Variants in TSPAN13 observed in about 807,000 individuals in gnomAD.
The protein encoded by TSPAN13 is tetraspanin 13.
In TSPAN13, 18 loss-of-function variants were observed where a neutral mutation model predicts 26.9. That is an observed-to-expected ratio of 0.67 (90% CI 0.46 to 0.99). The LOEUF (loss-of-function observed/expected upper bound fraction) is 0.99, where lower values mean the gene tolerates loss of function less well. Among genes scored for constraint, TSPAN13 ranks in the 50% least tolerant of loss-of-function variants. TSPAN13 has a pLI of 0.00. For synonymous variants in TSPAN13, 116 were observed against 98.4 expected (o/e 1.18, Z -1.06); for missense variants, 201 against 249.6 (o/e 0.81, Z 1.31).
Position 16,767,256 on chromosome 7 carries a change from T to A in TSPAN13, c.64-8955T>A, listed in dbSNP as rs561499887. 3.1e-3 allele frequency among the ~76,000 whole-genome samples: 479 copies of A among 152,350 alleles called. 7 individuals carry two copies. The highest frequency in any genetic ancestry group is 0.011 in the African/African-American group (448 of 41,576). The stretch of plus-strand genomic sequence containing the variant: ...GAATGTGTATGACAATGTCATATAT[T>A]ATATACATTAATTATCTACAAATAA... On this transcript the variant is annotated intron_variant, in intron 1 of 5. Coordinates refer to ENST00000262067, the MANE Select transcript of TSPAN13 (RefSeq NM_014399.4).
intron 1 of TSPAN13, among the ~76,000 whole-genome samples, chr7:16,761,401 C>T (rs1417067126): frequency 6.6e-6 from 1 of 152,206 alleles, no homozygotes; most frequent in African/African-American, 2.4e-5. Flanking sequence ...TGTGCTTGAT[C>T]TTTTCTGAAT....
chr7:16,769,718 T>G (rs952585327), intron 1 of TSPAN13, among the ~76,000 whole-genome samples: 8 of 152,202 alleles, frequency 5.3e-5, no homozygotes, highest in African/African-American at 1.9e-4. Flanking sequence ...AATTTTTGAA[T>G]AATGAAAGCT....
chr7:16,765,413 AT>A (rs1450164380), intron 1 of TSPAN13, among the ~76,000 whole-genome samples: 1 of 152,094 alleles, frequency 6.6e-6, no homozygotes, highest in Non-Finnish European at 1.5e-5. Context: ...CTGGCTGAGA[AT>A]TTCTATGTTC....
At chr7:16,771,901 T>C (rs557594056) in intron 1 of TSPAN13, among the ~76,000 whole-genome samples, 1 of 152,298 alleles carries the variant, frequency 6.6e-6, no homozygotes, top group African/African-American at 2.4e-5. Context: ...GAGGGTTATG[T>C]AGAAGGAAGC....
At chr7:16,757,142 A>G (rs1337897487) in intron 1 of TSPAN13, among the ~76,000 whole-genome samples, 1 of 152,204 alleles carries the variant, frequency 6.6e-6, no homozygotes, top group Non-Finnish European at 1.5e-5. Context: ...TTTAGGTACC[A>G]TAAAATTTAG....
At chr7:16,779,217 G>T in intron 5 of TSPAN13, 101 bp downstream of exon 5, 1 of 780,960 alleles carries the variant, frequency 1.3e-6, no homozygotes, top group Non-Finnish European at 2.0e-6. Context: ...TTTTCATTGA[G>T]AACTAGCACT....
At chr7:16,759,683 T>C (rs1042187785) in intron 1 of TSPAN13, among the ~76,000 whole-genome samples, 1 of 149,060 alleles carries the variant, frequency 6.7e-6, no homozygotes, top group African/African-American at 2.5e-5. Context: ...TCTGCTTTTT[T>C]TTCTTTTCTT....
Position 16,784,353 on chromosome 7 carries a change from T to G in TSPAN13, c.*862T>G, listed in dbSNP as rs6616. ...ATTGTTAAATACCGTTTTCATGAAA[T>G]TTCTCAGTATTGTAACAGCAACTTG... On this transcript the variant is annotated 3_prime_UTR_variant, in exon 6 of 6. Coordinates refer to ENST00000262067, the MANE Select transcript of TSPAN13 (RefSeq NM_014399.4). 96,650 of 152,092 alleles carry G rather than the reference T, an allele frequency of 0.64. 32,062 individuals are homozygous for G. The highest frequency in any genetic ancestry group is 0.78 in the Middle Eastern group (228 of 294). The allele number at this position is 152,092 out of a possible 1,614,324, so 9.4% of individuals were successfully genotyped here.
At chr7:16,768,058 G>A (rs1008910421) in intron 1 of TSPAN13, among the ~76,000 whole-genome samples, 3 of 151,956 alleles carry the variant, frequency 2.0e-5, no homozygotes, top group Non-Finnish European at 4.4e-5. Context: ...GATTACAGGC[G>A]GGTGCCACCA....
chr7:16,775,267 A>G (rs899560008), intron 1 of TSPAN13, among the ~76,000 whole-genome samples: 4 of 152,186 alleles, frequency 2.6e-5, no homozygotes, highest in Admixed American at 2.6e-4. Context: ...TTTATGTGGC[A>G]TACTATTTTT....
intron 4 of TSPAN13, 105 bp downstream of exon 4, chr7:16,778,016 AT>A: frequency 1.3e-6 from 1 of 781,898 alleles, no homozygotes; most frequent in Non-Finnish European, 2.0e-6. Flanking sequence ...TTTCAGGATT[AT>A]TTTATGTATA....
chr7:16,757,208 T>C (rs1367478916), intron 1 of TSPAN13, among the ~76,000 whole-genome samples: 1 of 152,164 alleles, frequency 6.6e-6, no homozygotes, highest in Non-Finnish European at 1.5e-5. Context: ...GAGGTGTGAT[T>C]GAATCAAGGA....
chr7:16,754,832 AG>A (rs1396072495), intron 1 of TSPAN13, among the ~76,000 whole-genome samples: 1 of 152,144 alleles, frequency 6.6e-6, no homozygotes, highest in Non-Finnish European at 1.5e-5. Context: ...GAGGATGGGC[AG>A]GACAGATCGA....
At chr7:16,778,325 T>C (rs1025740276) in intron 4 of TSPAN13, among the ~76,000 whole-genome samples, 1 of 152,262 alleles carries the variant, frequency 6.6e-6, no homozygotes, top group Non-Finnish European at 1.5e-5. Context: ...GTCTGTGTTA[T>C]GTTTCTGTTG....
intron 1 of TSPAN13, among the ~76,000 whole-genome samples, chr7:16,773,360 T>A (rs1784704992): frequency 6.7e-6 from 1 of 150,308 alleles, no homozygotes; most frequent in African/African-American, 2.4e-5. Context: ...AAAGGAGGAA[T>A]GATATTTTGT....
chr7:16,760,750 A>T (rs773597941), intron 1 of TSPAN13, among the ~76,000 whole-genome samples: 1 of 152,106 alleles, frequency 6.6e-6, no homozygotes, highest in Non-Finnish European at 1.5e-5. Flanking sequence ...AATTGCAGAG[A>T]GGTTGGTGTC....
At chr7:16,772,619 C>T (rs1424090439) in intron 1 of TSPAN13, among the ~76,000 whole-genome samples, 4 of 152,188 alleles carry the variant, frequency 2.6e-5, no homozygotes, top group Admixed American at 2.0e-4. Flanking sequence ...CCTGTTATGA[C>T]ATTTAGGGCC....
intron 1 of TSPAN13, among the ~76,000 whole-genome samples, chr7:16,765,801 G>A (rs1192406377): frequency 6.6e-6 from 1 of 152,170 alleles, no homozygotes; most frequent in Admixed American, 6.5e-5. Flanking sequence ...TATTCCAGTT[G>A]ATTTCATAAG....
intron 1 of TSPAN13, among the ~76,000 whole-genome samples, chr7:16,768,420 C>T (rs973806033): frequency 6.6e-6 from 1 of 152,150 alleles, no homozygotes; most frequent in Non-Finnish European, 1.5e-5. Context: ...TAACCTTGGG[C>T]AAGTTACTTA....
Sources: allele counts gnomAD v4.1 joint callset (sites outside exome capture counted in the v4.1 genomes callset), GRCh38; gene constraint gnomAD v4.1.1; transcripts MANE v1.5; gene names NCBI Gene and HGNC (gene_info 2026-07-23, HGNC 2026-07-21).